NBEAL1: variants seen among roughly 807,000 people sequenced by gnomAD.
NBEAL1 encodes the protein neurobeachin like 1.
Under a neutral mutation model 351.3 loss-of-function variants are expected in NBEAL1, and 273 were observed. That is an observed-to-expected ratio of 0.78 (90% CI 0.70 to 0.86). The LOEUF (loss-of-function observed/expected upper bound fraction) is 0.86. NBEAL1 is among the 40% of genes least tolerant of loss of function. NBEAL1 has a pLI of 0.00. For synonymous variants in NBEAL1, 1,050 were observed against 1,086.4 expected, an observed-to-expected ratio of 0.97 and a Z score of 0.66; for missense variants, 2,961 against 3,201.3, an observed-to-expected ratio of 0.92 and a Z score of 1.81.
At chr2:203,102,946 T>C (rs188592845) in intron 12 of NBEAL1, among the ~76,000 whole-genome samples, 85 of 152,286 alleles carry the variant, frequency 5.6e-4, no homozygotes, top group Non-Finnish European at 2.2e-4. Context: ...CTGGGCTTTT[T>C]CTGATTGGTA....
At chr2:203,082,328 T>G (rs950569664) in intron 8 of NBEAL1, among the ~76,000 whole-genome samples, 1 of 152,202 alleles carries the variant, frequency 6.6e-6, no homozygotes. Context: ...TGAAGGAAAT[T>G]GAATATTGGG....
chr2:203,049,799 C>A lies in NBEAL1; in HGVS notation c.144-15C>A. 3.4e-6 allele frequency: 5 copies of A among 1,492,340 alleles called. No homozygotes were observed. In the South Asian group the frequency reaches 6.7e-5, roughly 20 times the overall value. The allele number at this position is 1,492,340 out of a possible 1,614,324, so 92.4% of individuals were successfully genotyped here. ...ATTTCAACAGGCTTCTTATTTTTTT[C>A]CCTTTCTGTTGTAGGGTAGATGATA... On this transcript the variant is annotated splice_polypyrimidine_tract_variant and intron_variant, in intron 3 of 55. Transcript: ENST00000683969.
Position 203,175,185 on chromosome 2 carries a change from A to G in NBEAL1, c.6362A>G (p.Lys2121Arg). The change falls in exon 42 of 56, where the codon AAG (lysine) becomes AGG (arginine). Residue 2121 changes from lysine (K) to arginine (R), a missense_variant. Coordinates refer to ENST00000683969, the MANE Select transcript of NBEAL1 (RefSeq NM_001378026.1). Reference protein sequence around the residue: ...NFEDPMGTIDKFHYGTHYSNS... With the variant: ...NFEDPMGTIDRFHYGTHYSNS... ...GAGGATCCTATGGGAACTATTGATA[A>G]GTTTCACTATGGTACTCACTATTCA... is the stretch of plus-strand genomic sequence containing the variant. 1 of 1,612,852 alleles carries G rather than the reference A, an allele frequency of 6.2e-7. No individual in the cohort carries two copies. Among genetic ancestry groups the G allele is most frequent in the Non-Finnish European group, 8.5e-7 (1 of 1,179,438 alleles).
chr2:203,114,816 A>T (rs1305952621), intron 17 of NBEAL1, among the ~76,000 whole-genome samples: 1 of 148,256 alleles, frequency 6.7e-6, no homozygotes, highest in Admixed American at 6.8e-5. Context: ...GCAGTGGCTG[A>T]TATTGGCTCA....
At position 203,219,815 on chromosome 2, in the gene NBEAL1, G is replaced by A. The variant is rs1295071356; in HGVS notation, c.*2461G>A. 4.6e-5 allele frequency: 7 copies of A among 152,144 alleles called. No individual in the cohort carries two copies. The East Asian group carries it at 5.8e-4, about 13-fold the overall frequency. 9.4% of individuals were successfully genotyped at this position (152,144 alleles called of 1,614,324 possible). On this transcript the variant is annotated 3_prime_UTR_variant, in exon 56 of 56. Coordinates refer to ENST00000683969, the MANE Select transcript of NBEAL1 (RefSeq NM_001378026.1). ...GGAGGTTGCAGTGACCTGAGATCAC[G>A]CTACTGCACTCCAGCTTGGGCAACA...
At chr2:203,140,969 A>T (rs180950864) in intron 31 of NBEAL1, among the ~76,000 whole-genome samples, 1 of 152,130 alleles carries the variant, frequency 6.6e-6, no homozygotes, top group Admixed American at 6.5e-5. Flanking sequence ...ACAGAGTAAG[A>T]CTCTGTCTCA....
In NBEAL1 at chr2:203,217,423, C is replaced by T; in HGVS notation, c.*69C>T. On this transcript the variant is annotated 3_prime_UTR_variant, in exon 56 of 56. Transcript: ENST00000683969. ...TTGCTTTGTCACTTTAACCACATCTCTCAACTCTCTGCAATGTTGCAAGGC... is the reference window on the plus strand; with the variant it reads ...TTGCTTTGTCACTTTAACCACATCTTTCAACTCTCTGCAATGTTGCAAGGC... The T allele has an allele frequency of 7.0e-7, 1 of 1,424,236 alleles. No homozygotes were observed. Among genetic ancestry groups the T allele is most frequent in the African/African-American group, 1.4e-5 (1 of 69,384 alleles). 88.2% of individuals were successfully genotyped at this position (1,424,236 alleles called of 1,614,324 possible).
intron 7 of NBEAL1, among the ~76,000 whole-genome samples, chr2:203,074,317 C>CTTTTTTTTTTTTTT (rs56217945): frequency 1.1e-3 from 107 of 98,282 alleles, no homozygotes; most frequent in African/African-American, 1.4e-3. Context: ...TTTCTTTCTT[C>CTTTTTTTTTTTTTT]TTTTTTTTTT....
intron 47 of NBEAL1, among the ~76,000 whole-genome samples, chr2:203,195,025 G>A (rs750346925): frequency 3.5e-4 from 53 of 151,884 alleles, no homozygotes; most frequent in Non-Finnish European, 6.0e-4. Flanking sequence ...GTGAAACCCC[G>A]TCTCTACTAA....
chr2:203,044,468 T>C (rs544446461), intron 3 of NBEAL1, among the ~76,000 whole-genome samples: 1 of 152,318 alleles, frequency 6.6e-6, no homozygotes, highest in African/African-American at 2.4e-5. Flanking sequence ...CTAAAGTTTC[T>C]AAGGTGCAGT....
intron 44 of NBEAL1, among the ~76,000 whole-genome samples, chr2:203,185,668 C>G (rs1262012084): frequency 6.6e-6 from 1 of 152,146 alleles, no homozygotes; most frequent in African/African-American, 2.4e-5. Flanking sequence ...GGATTGGAGT[C>G]ATCTGAAAGC....
chr2:203,065,122 G>A (rs144010160), intron 6 of NBEAL1, among the ~76,000 whole-genome samples: 5 of 152,176 alleles, frequency 3.3e-5, no homozygotes, highest in South Asian at 2.1e-4. Context: ...AACTGGGTAT[G>A]GTGGCTTGCA....
intron 18 of NBEAL1, among the ~76,000 whole-genome samples, chr2:203,119,053 A>G (rs1196938131): frequency 4.6e-5 from 7 of 152,006 alleles, no homozygotes; most frequent in Non-Finnish European, 8.8e-5. Context: ...GAAACTTAAT[A>G]TGACTATTGA....
At chr2:203,173,231 A>C (rs1286121322) in intron 41 of NBEAL1, among the ~76,000 whole-genome samples, 2 of 152,174 alleles carry the variant, frequency 1.3e-5, no homozygotes, top group African/African-American at 2.4e-5. Flanking sequence ...TAGATATACA[A>C]CTTATACTGA....
At chr2:203,154,968 A>T (rs1179511044) in intron 35 of NBEAL1, among the ~76,000 whole-genome samples, 1 of 139,324 alleles carries the variant, frequency 7.2e-6, no homozygotes, top group African/African-American at 2.7e-5. Context: ...TGGTTTGGCT[A>T]GGTGTGGTGG....
In NBEAL1 at chr2:203,138,760, C is replaced by T. The variant is rs1345482854; in HGVS notation, c.4848+12C>T. ...GGGGTAATTTGCAGGTTTGTCCATT[C>T]TTTTATATTATTTTCTGTGCTTGCA... is the stretch of plus-strand genomic sequence containing the variant. On this transcript the variant is annotated intron_variant, in intron 31 of 55. Transcript: ENST00000683969. 3.1e-6 allele frequency: 5 copies of T among 1,600,772 alleles called. No homozygotes were observed. The highest frequency in any genetic ancestry group is 4.3e-6 in the Non-Finnish European group (5 of 1,176,382).
intron 33 of NBEAL1, among the ~76,000 whole-genome samples, chr2:203,148,165 G>T (rs900162922): frequency 1.3e-5 from 2 of 151,928 alleles, no homozygotes; most frequent in African/African-American, 4.8e-5. Context: ...TTGAGAACTT[G>T]CTATTTTTCT....
chr2:203,166,722 T>TA (rs2064145020), intron 37 of NBEAL1, among the ~76,000 whole-genome samples: 1 of 145,650 alleles, frequency 6.9e-6, no homozygotes, highest in African/African-American at 2.5e-5. Context: ...AATTTTGTAT[T>TA]TTTTTTTTTT....
Position 203,024,883 on chromosome 2 carries a change from C to A in NBEAL1, c.51+8448C>A, listed in dbSNP as rs183807411. ...TCTGAAATAAATAAATAAATAAATA[C>A]ATACATACATACATAAATTGATGGC... On this transcript the variant is annotated intron_variant, in intron 2 of 55. Coordinates refer to ENST00000683969, the MANE Select transcript of NBEAL1 (RefSeq NM_001378026.1). 2.8e-3 allele frequency among the ~76,000 whole-genome samples: 426 copies of A among 151,970 alleles called. 3 individuals are homozygous for A. Among genetic ancestry groups the A allele is most frequent in the East Asian group, 5.6e-3 (29 of 5,178 alleles).
Sources: allele counts gnomAD v4.1 joint callset (sites outside exome capture counted in the v4.1 genomes callset), GRCh38; gene constraint gnomAD v4.1.1; transcripts MANE v1.5; gene names NCBI Gene and HGNC (gene_info 2026-07-23, HGNC 2026-07-21).